The following CD244 variants were observed in gnomAD, a reference collection of about 807,000 sequenced individuals.
CD244 encodes CD244 molecule.
CD244 carries 20 observed loss-of-function variants against 45.5 expected under a neutral mutation model. The ratio of observed to expected loss-of-function variants is 0.44; its 90% CI spans 0.31 to 0.64. CD244 has a LOEUF of 0.64. Among genes scored for constraint, CD244 ranks in the 30% least tolerant of loss-of-function variants. CD244 has a pLI of 0.08. For synonymous variants in CD244, 185 were observed against 160.5 expected, an observed-to-expected ratio of 1.15 and a Z score of -1.15; for missense variants, 407 against 426.9, an observed-to-expected ratio of 0.95 and a Z score of 0.41.
rs1408301730 is a variant in CD244 at position 160,832,659 on chromosome 1, A to ACT, written c.961-86_961-85dup. ...AGTGATGTGAGAGGTCCCAAAAGAGACTCAGGGCCCAGAAAAATTCTGAGG... is the reference window on the plus strand; with the variant it reads ...AGTGATGTGAGAGGTCCCAAAAGAGACTCTCAGGGCCCAGAAAAATTCTGAGG... On this transcript the variant is annotated intron_variant, in intron 7 of 8. Coordinates refer to ENST00000368034, the MANE Select transcript of CD244 (RefSeq NM_016382.4). 2.5e-6 allele frequency: 4 copies of ACT among 1,588,770 alleles called. No homozygotes were observed. The South Asian group carries it at 4.5e-5, about 18-fold the overall frequency.
intron 1 of CD244, among the ~76,000 whole-genome samples, chr1:160,851,133 T>G (rs141803434): frequency 9.2e-5 from 14 of 152,330 alleles, no homozygotes; most frequent in African/African-American, 2.9e-4. Context: ...AACCTTGTTC[T>G]TTGGGTTTTT....
At chr1:160,859,055 T>C (rs1316540897) in intron 1 of CD244, among the ~76,000 whole-genome samples, 1 of 151,980 alleles carries the variant, frequency 6.6e-6, no homozygotes. Flanking sequence ...ATGAGGACTA[T>C]GGAGAAAAAT....
At chr1:160,855,582 G>A (rs866168017) in intron 1 of CD244, among the ~76,000 whole-genome samples, 10 of 152,310 alleles carry the variant, frequency 6.6e-5, no homozygotes, top group African/African-American at 2.2e-4. Flanking sequence ...ATGCTACTAC[G>A]AAAACATAAC....
rs541882532 is a variant in CD244, at chr1:160,851,856, T to C, written c.62-9955A>G. Among the ~76,000 whole-genome samples the C allele has an allele frequency of 3.5e-4, 53 of 152,178 alleles. 1 individual carries two copies. Among genetic ancestry groups the C allele is most frequent in the African/African-American group, 1.2e-3 (48 of 41,530 alleles). ...CTGCACCCAGACAACAAATGTTTCT[T>C]TAACAGGACACACACACACAAAAAT... is the stretch of plus-strand genomic sequence containing the variant. On this transcript the variant is annotated intron_variant, in intron 1 of 8. Coordinates refer to ENST00000368034, the MANE Select transcript of CD244 (RefSeq NM_016382.4).
chr1:160,832,540 G>A lies in CD244; in HGVS notation c.996C>T (p.Phe332=). 2.5e-6 allele frequency: 4 copies of A among 1,609,540 alleles called. No homozygotes were observed. Among genetic ancestry groups the A allele is most frequent in the Non-Finnish European group, 3.4e-6 (4 of 1,177,084 alleles). The stretch of plus-strand genomic sequence containing the variant: ...TTACCACTTCATAGATAGTGCTATT[G>A]AAGGAAGGGCTGTGGTTCCTCTTCC... ...GSRKRNHSPS[F]NSTIYEVIGK... is the part of the protein sequence containing the mutation. Residue 332 remains phenylalanine, a synonymous_variant, in exon 8 of 9, where the codon TTC becomes TTT. Coordinates refer to ENST00000368034, the MANE Select transcript of CD244 (RefSeq NM_016382.4).
At chr1:160,860,419 A>C (rs1249154965) in intron 1 of CD244, among the ~76,000 whole-genome samples, 1 of 152,118 alleles carries the variant, frequency 6.6e-6, no homozygotes, top group Admixed American at 6.5e-5. Context: ...AATGTAATAC[A>C]TGATCTTGAT....
Position 160,841,632 on chromosome 1 carries a change from T to C in CD244, c.331A>G (p.Ser111Gly). The change falls in exon 2 of 9, where the codon AGT (serine) becomes GGT (glycine). Residue 111 changes from serine to glycine, a missense_variant. Transcript: ENST00000368034. ...GCTGTCTGAACTTTTCCAGATATACTGGTGACCTCCAGGCAGTAGAGGCCA... is the reference window on the plus strand; with the variant it reads ...GCTGTCTGAACTTTTCCAGATATACCGGTGACCTCCAGGCAGTAGAGGCCA... ...DSGLYCLEVT[S>G]ISGKVQTATF... 2 of 1,614,252 alleles carry C rather than the reference T, an allele frequency of 1.2e-6. No homozygotes were observed. The highest frequency in any genetic ancestry group is 1.7e-6 in the Non-Finnish European group (2 of 1,180,048).
intron 1 of CD244, among the ~76,000 whole-genome samples, chr1:160,852,785 G>A (rs1361015737): frequency 6.6e-6 from 1 of 152,026 alleles, no homozygotes; most frequent in East Asian, 1.9e-4. Context: ...CACTTTGGGA[G>A]GTCGAGGCAG....
Position 160,861,622 on chromosome 1 carries a change from A to C in CD244, c.61+995T>G, listed in dbSNP as rs1017071421. Among the ~76,000 whole-genome samples, 3 of 152,248 alleles carry C rather than the reference A, an allele frequency of 2.0e-5. No homozygotes were observed. The East Asian group carries it at 5.8e-4, about 29-fold the overall frequency. On this transcript the variant is annotated intron_variant, in intron 1 of 8. Coordinates refer to ENST00000368034, the MANE Select transcript of CD244 (RefSeq NM_016382.4). ...GAGACCAAGGTGGGCAGATCACCTGAGGTCAGGAGTTCAAGACCAGCCTGG... is the reference window on the plus strand; with the variant it reads ...GAGACCAAGGTGGGCAGATCACCTGCGGTCAGGAGTTCAAGACCAGCCTGG...
chr1:160,847,053 G>A (rs1669763378), intron 1 of CD244, among the ~76,000 whole-genome samples: 1 of 151,272 alleles, frequency 6.6e-6, no homozygotes, highest in Non-Finnish European at 1.5e-5. Context: ...TACAAAAGAA[G>A]GCAATAACGG....
At position 160,853,784 on chromosome 1, in the gene CD244, A is replaced by T. The variant is rs1444313991; in HGVS notation, c.61+8833T>A. Reference sequence around the variant, plus strand: ...GGGTGACAGAGCAAGACCCTGCCTAAAAAAAAAAAAAAAAAAAAAAAAAAG... The same window carrying T: ...GGGTGACAGAGCAAGACCCTGCCTATAAAAAAAAAAAAAAAAAAAAAAAAG... On this transcript the variant is annotated intron_variant, in intron 1 of 8. Coordinates refer to ENST00000368034, the MANE Select transcript of CD244 (RefSeq NM_016382.4). Among the ~76,000 whole-genome samples the T allele has an allele frequency of 1.9e-3, 15 of 7,950 alleles. No homozygotes were observed. The Admixed American group carries it at 0.055, about 29-fold the overall frequency. 5.2% of individuals were successfully genotyped at this position (7,950 alleles called of 152,430 possible). A position where few individuals can be genotyped will look rare whatever the true frequency, so the allele number is the denominator to read the frequency against.
chr1:160,838,825 C>T, intron 4 of CD244, 114 bp downstream of exon 4: 1 of 715,542 alleles, frequency 1.4e-6, no homozygotes, highest in Non-Finnish European at 2.3e-6. Context: ...CATACCAAAG[C>T]TCGTTGAGGA....
rs184282870 is a variant in CD244, at chr1:160,841,211, C to A, written c.654G>T (p.Gln218His). Residue 218 changes from glutamine (Q) to histidine (H), a missense_variant and splice_region_variant, in exon 3 of 9, where the codon CAG (glutamine) becomes CAT (histidine). Physicochemically the swap from Gln to His is conservative, Grantham distance 24 (BLOSUM62 0). Coordinates refer to ENST00000368034, the MANE Select transcript of CD244 (RefSeq NM_016382.4). ...TATAGCCCAGTGTGTTCCACTTACC[C>A]TGATGGGCATTCTGACAGTCCTGAG... ...NLTQDCQNAH[Q>H]EFRFWPFLVI... 73 of 1,614,146 alleles carry A rather than the reference C, an allele frequency of 4.5e-5. No homozygotes were observed. The Middle Eastern group carries it at 1.7e-3, about 36-fold the overall frequency.
chr1:160,838,036 A>G (rs1394142414), intron 5 of CD244, among the ~76,000 whole-genome samples: 1 of 152,194 alleles, frequency 6.6e-6, no homozygotes, highest in African/African-American at 2.4e-5. Context: ...GCCAGCTACA[A>G]AACTATTATG....
chr1:160,836,303 C>A, intron 5 of CD244, 49 bp from the exon 6 acceptor site: 1 of 1,466,274 alleles, frequency 6.8e-7, no homozygotes, highest in South Asian at 1.1e-5. Flanking sequence ...TTCGGTCTGT[C>A]CAGATTTAGA....
Position 160,841,206 on chromosome 1 carries a change from T to C in CD244, c.655+4A>G. On this transcript the variant is annotated splice_donor_region_variant and intron_variant, in intron 3 of 8. Coordinates refer to ENST00000368034, the MANE Select transcript of CD244 (RefSeq NM_016382.4). ...CTTGTTATAGCCCAGTGTGTTCCAC[T>C]TACCCTGATGGGCATTCTGACAGTC... 6.2e-7 allele frequency: 1 copy of C among 1,614,102 alleles called. No individual in the cohort carries two copies.
chr1:160,853,430 G>A (rs1031725881), intron 1 of CD244, among the ~76,000 whole-genome samples: 1 of 152,142 alleles, frequency 6.6e-6, no homozygotes, highest in African/African-American at 2.4e-5. Context: ...GTTACATCTT[G>A]ATGTGGGTAG....
intron 1 of CD244, among the ~76,000 whole-genome samples, chr1:160,849,890 A>T (rs1054663061): frequency 6.6e-6 from 1 of 152,022 alleles, no homozygotes; most frequent in Admixed American, 6.6e-5. Flanking sequence ...CAGTCACCTG[A>T]AATCCCAGCT....
In CD244 at chr1:160,834,082, G is replaced by A; in HGVS notation, c.929C>T (p.Thr310Ile). ...SAPTSQEPAY[T>I]LYSLIQPSRK... ...GGAAGGCTGAATTAATGAATATAAT[G>A]TATATGCAGGTTCTTGTGACGTGGG... Residue 310 changes from threonine to isoleucine, a missense_variant, in exon 7 of 9, where the codon ACA (threonine) becomes ATA (isoleucine). By Grantham distance (89) the Thr-to-Ile change is moderately conservative. Coordinates refer to ENST00000368034, the MANE Select transcript of CD244 (RefSeq NM_016382.4). 4 of 1,611,984 alleles carry A rather than the reference G, an allele frequency of 2.5e-6. No individual in the cohort carries two copies. The South Asian group carries it at 3.3e-5, about 13-fold the overall frequency.
Sources: allele counts gnomAD v4.1 joint callset (sites outside exome capture counted in the v4.1 genomes callset), GRCh38; gene constraint gnomAD v4.1.1; transcripts MANE v1.5; gene names NCBI Gene and HGNC (gene_info 2026-07-23, HGNC 2026-07-21).